SPTB: variants seen among roughly 807,000 people sequenced by gnomAD.
The protein encoded by SPTB is spectrin beta chain, erythrocytic.
A neutral mutation model predicts 256.2 loss-of-function variants in SPTB; 45 were observed. The observed-to-expected ratio is 0.18, with a 90% CI of 0.14 to 0.23. The LOEUF is 0.23. Among genes scored for constraint, SPTB ranks in the 10% least tolerant of loss-of-function variants. The pLI, the probability that SPTB is intolerant of heterozygous loss-of-function variation, is 1.00. For synonymous variants in SPTB, 1,231 were observed against 1,243.1 expected (o/e 0.99, Z 0.21); for missense variants, 2,715 against 3,040.4 (o/e 0.89, Z 2.52).
intron 33 of SPTB, among the ~76,000 whole-genome samples, chr14:64,753,207 A>G (rs1216754900): frequency 6.6e-6 from 1 of 152,174 alleles, no homozygotes; most frequent in African/African-American, 2.4e-5. Flanking sequence ...GTGTTCACCA[A>G]GTGCCTACTG....
At position 64,873,167 on chromosome 14, in the gene SPTB, C is replaced by T. The variant is rs1438174378; in HGVS notation, c.-52+6625G>A. Among the ~76,000 whole-genome samples, 1 of 152,074 alleles carries T rather than the reference C, an allele frequency of 6.6e-6. No individual in the cohort carries two copies. The highest frequency in any genetic ancestry group is 1.5e-5 in the Non-Finnish European group (1 of 68,004). ...ACCACCCTTCTTTCCCTTCATATTG[C>T]TTTATTTTTCTTTTTAGCACTTGAA... On this transcript the variant is annotated intron_variant, in intron 1 of 35. Transcript: ENST00000644917. The surrounding 1 kb of genome is among the most constrained non-coding windows in gnomAD (Gnocchi z 4.3).
In SPTB at chr14:64,774,478, C is replaced by T. The variant is rs201082918; in HGVS notation, c.4892G>A (p.Arg1631His). ...VMLKRHLRQQ[R>H]AVEDYGRNIK... ...GTTCCGGCCGTAGTCCTCCACCGCA[C>T]GCTGCTGCCGCAAATGTCGCTTCAG... Residue 1631 changes from arginine to histidine, a missense_variant, in exon 24 of 36, where the codon CGT becomes CAT. Around this residue, in one of 4 missense-constraint regions of SPTB, gnomAD observed 2,239 missense variants for 2,384.4 expected, o/e 0.94. Coordinates refer to ENST00000644917, the MANE Select transcript of SPTB (RefSeq NM_001355436.2). 3.7e-5 allele frequency: 58 copies of T among 1,556,216 alleles called. No homozygotes were observed. Among genetic ancestry groups the T allele is most frequent in the East Asian group, 2.4e-4 (10 of 41,370 alleles).
intron 20 of SPTB, among the ~76,000 whole-genome samples, chr14:64,781,479 G>C (rs773623447): frequency 2.6e-5 from 4 of 152,176 alleles, no homozygotes; most frequent in Non-Finnish European, 5.9e-5. Context: ...TAATATCACT[G>C]ATCATTAGAG....
chr14:64,794,708 T>C (rs766501837), intron 12 of SPTB, 91 bp from the exon 13 acceptor site: 6 of 1,557,400 alleles, frequency 3.9e-6, no homozygotes, highest in Non-Finnish European at 3.5e-6. Context: ...ATGTCTCTAG[T>C]AATCTGAGCA....
At position 64,749,998 on chromosome 14, in the gene SPTB, C is replaced by A; in HGVS notation, c.6759G>T (p.Lys2253Asn). ...GGCCTCACCTCAGCTTAAAGACGTG[C>A]TTCTTCTTCTTGTAGTTGGCAGCAA... Reference protein sequence around the residue: ...CEIAANYKKKKHVFKLRLSNG... With the variant: ...CEIAANYKKKNHVFKLRLSNG... The change falls in exon 34 of 36, where the codon AAG (lysine) becomes AAT (asparagine). Residue 2253 changes from lysine (K) to asparagine (N), a missense_variant. Lys to Asn is a moderately conservative substitution (Grantham distance 94, BLOSUM62 0). Around this residue, in one of 4 missense-constraint regions of SPTB, gnomAD observed 2,239 missense variants for 2,384.4 expected, o/e 0.94. Coordinates refer to ENST00000644917, the MANE Select transcript of SPTB (RefSeq NM_001355436.2). This position sits in a 1 kb window ranked among gnomAD's most constrained non-coding sequence, Gnocchi z 4.7. The A allele has an allele frequency of 6.2e-7, 1 of 1,613,090 alleles. No individual in the cohort carries two copies. Among genetic ancestry groups the A allele is most frequent in the Non-Finnish European group, 8.5e-7 (1 of 1,179,018 alleles).
chr14:64,797,504 G>GAAAAAAAACA (rs1218402712), intron 10 of SPTB, among the ~76,000 whole-genome samples: 1 of 92,618 alleles, frequency 1.1e-5, no homozygotes, highest in African/African-American at 3.6e-5. Context: ...AAAAAAAAAG[G>GAAAAAAAACA]ACTCAGGGAT....
chr14:64,762,620 G>C (rs2082110359), intron 32 of SPTB, among the ~76,000 whole-genome samples: 1 of 152,224 alleles, frequency 6.6e-6, no homozygotes, highest in Non-Finnish European at 1.5e-5. Context: ...AGGAGTCTCA[G>C]CTCCTACGTT....
chr14:64,874,315 C>T (rs1053174276), intron 1 of SPTB, among the ~76,000 whole-genome samples: 11 of 152,232 alleles, frequency 7.2e-5, no homozygotes, highest in Non-Finnish European at 1.6e-4. Context: ...CACCCTCTCT[C>T]TCAGGCATCC....
intron 19 of SPTB, among the ~76,000 whole-genome samples, chr14:64,783,720 T>G (rs971172038): frequency 6.6e-6 from 1 of 152,164 alleles, no homozygotes; most frequent in African/African-American, 2.4e-5. Context: ...GCAAAGGTAG[T>G]GATTTCCACA....
Position 64,772,770 on chromosome 14 carries a change from G to C in SPTB, c.5363C>G (p.Thr1788Arg). ...GGAGGCGGCCAGCAGCTGCATGCGC[G>C]TGTCAATGAGCTCCAGGAGGTCTGC... ...MWADLLELID[T>R]RMQLLAASYD... The change falls in exon 26 of 36, where the codon ACG (threonine) becomes AGG (arginine). Residue 1788 changes from threonine (T) to arginine (R), a missense_variant. Physicochemically the swap from Thr to Arg is moderately conservative, Grantham distance 71 (BLOSUM62 -1). This residue lies in a region of SPTB where 2,239 missense variants were observed against 2,384.4 expected (regional missense o/e 0.94). Transcript: ENST00000644917. The surrounding 1 kb of genome is among the most constrained non-coding windows in gnomAD (Gnocchi z 5.4). 6.2e-7 allele frequency: 1 copy of C among 1,613,994 alleles called. No individual in the cohort carries two copies.
rs1566744840 is a variant in SPTB at position 64,770,990 on chromosome 14, T to C, written c.5693A>G (p.Gln1898Arg). The C allele has an allele frequency of 6.2e-7, 1 of 1,614,160 alleles. No homozygotes were observed. Among genetic ancestry groups the C allele is most frequent in the Non-Finnish European group, 8.5e-7 (1 of 1,180,046 alleles). Residue 1898 changes from glutamine to arginine, a missense_variant, in exon 27 of 36, where the codon CAG (glutamine) becomes CGG (arginine). This residue lies in a region of SPTB where 2,239 missense variants were observed against 2,384.4 expected (regional missense o/e 0.94). Coordinates refer to ENST00000644917, the MANE Select transcript of SPTB (RefSeq NM_001355436.2). ...GAATTTATCCGCCGTGTCCACTAGC[T>C]GGGTCCGGCGCCCGGCACAGGCATC... is the stretch of plus-strand genomic sequence containing the variant. The part of the protein sequence containing the change: ...LLDACAGRRT[Q>R]LVDTADKFRF...
chr14:64,868,791 G>A (rs192319282), intron 1 of SPTB, among the ~76,000 whole-genome samples: 74 of 152,252 alleles, frequency 4.9e-4, no homozygotes, highest in African/African-American at 1.6e-3. Flanking sequence ...TTTCTAAAGC[G>A]GTTTTGGTAC....
Position 64,772,521 on chromosome 14 carries a change from A to C in SPTB, c.5553+59T>G. ...TTTTCCTGCTGACAGCCAGGTGGGGACTGACACCCAGGGCTCCTGGAAATT... is the reference window on the plus strand; with the variant it reads ...TTTTCCTGCTGACAGCCAGGTGGGGCCTGACACCCAGGGCTCCTGGAAATT... On this transcript the variant is annotated intron_variant, in intron 26 of 35. Coordinates refer to ENST00000644917, the MANE Select transcript of SPTB (RefSeq NM_001355436.2). The surrounding 1 kb of genome is among the most constrained non-coding windows in gnomAD (Gnocchi z 5.4). The C allele has an allele frequency of 6.3e-7, 1 of 1,592,136 alleles. No individual in the cohort carries two copies. The highest frequency in any genetic ancestry group is 1.1e-5 in the South Asian group (1 of 89,762).
rs1161741032 is a variant in SPTB at position 64,749,328 on chromosome 14, C to T, written c.6965G>A (p.Ser2322Asn). The change falls in exon 36 of 36, where the codon AGC (serine) becomes AAC (asparagine). Residue 2322 changes from serine to asparagine, a missense_variant. Coordinates refer to ENST00000644917, the MANE Select transcript of SPTB (RefSeq NM_001355436.2). The surrounding 1 kb of genome is among the most constrained non-coding windows in gnomAD (Gnocchi z 4.7). ...LGKKDKEKRF[S>N]FFPKKK ...CTGCTACTTCTTTTTGGGGAAGAAG[C>T]TGAATCTCTTCTCCTTGTCTTTCTT... The T allele has an allele frequency of 6.2e-7, 1 of 1,608,122 alleles. No individual in the cohort carries two copies. The highest frequency in any genetic ancestry group is 8.5e-7 in the Non-Finnish European group (1 of 1,178,662).
intron 1 of SPTB, among the ~76,000 whole-genome samples, chr14:64,843,920 A>G (rs753790717): frequency 1.3e-4 from 20 of 152,230 alleles, no homozygotes; most frequent in Non-Finnish European, 2.1e-4. Context: ...CCATCCCAGC[A>G]CAGAGCTGTG....
rs1185203592 is a variant in SPTB at position 64,786,389 on chromosome 14, T to C, written c.3561+15A>G. ...CTGAGAGACCCGCCTGTCCCAGCCC[T>C]GAATGCCTCTCTACCTGGTTGCTGA... is the stretch of plus-strand genomic sequence containing the variant. On this transcript the variant is annotated intron_variant, in intron 16 of 35. Coordinates refer to ENST00000644917, the MANE Select transcript of SPTB (RefSeq NM_001355436.2). The surrounding 1 kb of genome is among the most constrained non-coding windows in gnomAD (Gnocchi z 5.6). 6.2e-7 allele frequency: 1 copy of C among 1,613,936 alleles called. No homozygotes were observed. The highest frequency in any genetic ancestry group is 8.5e-7 in the Non-Finnish European group (1 of 1,180,036).
At position 64,775,451 on chromosome 14, in the gene SPTB, G is replaced by T; in HGVS notation, c.4564-48C>A. ...GGGGCAGGGCCTTCCCACCATGCGG[G>T]GGAGGCTGCTTCAGCAGTGGCAGCA... On this transcript the variant is annotated intron_variant, in intron 22 of 35. Coordinates refer to ENST00000644917, the MANE Select transcript of SPTB (RefSeq NM_001355436.2). The surrounding 1 kb of genome is among the most constrained non-coding windows in gnomAD (Gnocchi z 5.0). 1 of 1,584,042 alleles carries T rather than the reference G, an allele frequency of 6.3e-7. No homozygotes were observed.
At position 64,796,472 on chromosome 14, in the gene SPTB, G is replaced by T. The variant is rs539845641; in HGVS notation, c.1341+85C>A. 9.9e-5 allele frequency: 157 copies of T among 1,591,004 alleles called. 1 individual carries two copies. In the South Asian group the frequency reaches 1.1e-3, roughly 11 times the overall value. ...AAGGCACGAGGAGAGGCTGTGAGAA[G>T]CCAGCTTGGACTCCAGCCCAGCCAA... On this transcript the variant is annotated intron_variant, in intron 11 of 35. Coordinates refer to ENST00000644917, the MANE Select transcript of SPTB (RefSeq NM_001355436.2). This position sits in a 1 kb window ranked among gnomAD's most constrained non-coding sequence, Gnocchi z 4.1.
intron 30 of SPTB, 86 bp from the exon 31 acceptor site, chr14:64,767,438 AC>A: frequency 6.4e-7 from 1 of 1,562,382 alleles, no homozygotes; most frequent in Non-Finnish European, 8.8e-7. Flanking sequence ...GCGGCCCTGC[AC>A]CCCCACATGC....
Sources: allele counts gnomAD v4.1 joint callset (sites outside exome capture counted in the v4.1 genomes callset), GRCh38; gene constraint gnomAD v4.1.1; regional missense constraint gnomAD v4.1.1; non-coding constraint Gnocchi (gnomAD v3.1); transcripts MANE v1.5; gene names NCBI Gene and HGNC (gene_info 2026-07-23, HGNC 2026-07-21).